BRAF: variants seen among roughly 807,000 people sequenced by gnomAD.
BRAF encodes the protein B-Raf proto-oncogene, serine/threonine kinase.
A neutral mutation model predicts 104.6 loss-of-function variants in BRAF; 16 were observed. The ratio of observed to expected loss-of-function variants is 0.15; its 90% CI spans 0.10 to 0.23. The LOEUF is 0.23. Ranked by LOEUF, BRAF falls within the 10% of genes least tolerant of loss-of-function variation. The probability of loss-of-function intolerance (pLI) is 1.00; values close to 1 mark genes in which losing one functional copy is unlikely to be tolerated. For synonymous variants in BRAF, 310 were observed against 341.6 expected (o/e 0.91, Z 1.02); for missense variants, 541 against 937.3 (o/e 0.58, Z 5.52).
chr7:140,859,138 G>A (rs1329270453), intron 1 of BRAF, among the ~76,000 whole-genome samples: 1 of 152,178 alleles, frequency 6.6e-6, no homozygotes, highest in African/African-American at 2.4e-5. Flanking sequence ...TTTTGTGACG[G>A]AAACAACAAA....
chr7:140,845,660 CTA>C (rs1562991733), intron 2 of BRAF, among the ~76,000 whole-genome samples: 1 of 151,900 alleles, frequency 6.6e-6, no homozygotes, highest in African/African-American at 2.4e-5. Context: ...GCACATGAGG[CTA>C]TGTTTTTTTT....
intron 1 of BRAF, among the ~76,000 whole-genome samples, chr7:140,860,372 T>G (rs758116764): frequency 8.2e-5 from 12 of 146,450 alleles, no homozygotes; most frequent in Non-Finnish European, 1.6e-4. Flanking sequence ...ACCTCATTAG[T>G]AATCAAAGAA....
At chr7:140,865,182 C>T (rs1189088273) in intron 1 of BRAF, among the ~76,000 whole-genome samples, 9 of 151,694 alleles carry the variant, frequency 5.9e-5, no homozygotes, top group East Asian at 3.9e-4. Context: ...TGGGCTCAAA[C>T]GATTCTCCTG....
intron 8 of BRAF, among the ~76,000 whole-genome samples, chr7:140,793,479 T>C (rs1020690435): frequency 1.3e-5 from 2 of 152,008 alleles, no homozygotes; most frequent in African/African-American, 4.8e-5. Flanking sequence ...CAAATTTACC[T>C]AAAATTACAA....
At chr7:140,884,839 A>G (rs1813374709) in intron 1 of BRAF, among the ~76,000 whole-genome samples, 1 of 151,946 alleles carries the variant, frequency 6.6e-6, no homozygotes, top group South Asian at 2.1e-4. Flanking sequence ...AAAAATTATA[A>G]CCAAGAAATG....
intron 18 of BRAF, among the ~76,000 whole-genome samples, chr7:140,737,202 T>C (rs1191442747): frequency 6.6e-6 from 1 of 152,230 alleles, no homozygotes; most frequent in East Asian, 1.9e-4. Flanking sequence ...TGAATACTTA[T>C]GAAATAGGTT....
intron 14 of BRAF, among the ~76,000 whole-genome samples, chr7:140,764,883 T>G (rs1323389163): frequency 2.6e-5 from 4 of 152,092 alleles, no homozygotes; most frequent in Non-Finnish European, 5.9e-5. Flanking sequence ...CCAAGGTAAT[T>G]TACAGATTCA....
chr7:140,870,037 C>T (rs1216670683), intron 1 of BRAF, among the ~76,000 whole-genome samples: 1 of 152,100 alleles, frequency 6.6e-6, no homozygotes, highest in Non-Finnish European at 1.5e-5. Flanking sequence ...AAAGAGTAAT[C>T]ATCATTGCAT....
Position 140,808,083 on chromosome 7 carries a change from C to T in BRAF, c.609-21G>A, listed in dbSNP as rs758109105. On this transcript the variant is annotated intron_variant, in intron 4 of 19. Transcript: ENST00000644969. ...TCTCTCTGAAAAATGTAGACACAAGCCTTTCTTGGTTATTACACCTAAAAA... is the reference window on the plus strand; with the variant it reads ...TCTCTCTGAAAAATGTAGACACAAGTCTTTCTTGGTTATTACACCTAAAAA... 5.7e-6 allele frequency: 9 copies of T among 1,570,140 alleles called. No homozygotes were observed. In the South Asian group the frequency reaches 1.0e-4, roughly 17 times the overall value.
rs566022399 is a variant in BRAF, at chr7:140,883,901, A to G, written c.139-33689T>C. 3.3e-5 allele frequency among the ~76,000 whole-genome samples: 5 copies of G among 152,348 alleles called. No individual in the cohort carries two copies. In the South Asian group the frequency reaches 1.0e-3, roughly 32 times the overall value. On this transcript the variant is annotated intron_variant, in intron 1 of 19. Coordinates refer to ENST00000644969, the MANE Select transcript of BRAF (RefSeq NM_001374258.1). ...TTCCATGTTACAGATAAATAATGGT[A>G]AGGTTTAGCAGGTTAAGTAATCTTC...
chr7:140,861,136 T>C (rs1810371834), intron 1 of BRAF, among the ~76,000 whole-genome samples: 1 of 152,218 alleles, frequency 6.6e-6, no homozygotes, highest in African/African-American at 2.4e-5. Context: ...AAACAGGCTT[T>C]ATTCCAGCAA....
intron 3 of BRAF, among the ~76,000 whole-genome samples, chr7:140,813,062 A>G (rs1179977291): frequency 1.3e-5 from 2 of 151,370 alleles, no homozygotes; most frequent in South Asian, 2.1e-4. Context: ...ACATAAAGCT[A>G]AAAAAAAACT....
intron 1 of BRAF, among the ~76,000 whole-genome samples, chr7:140,913,840 AAC>A: frequency 6.6e-6 from 1 of 152,286 alleles, no homozygotes; most frequent in East Asian, 1.9e-4. Context: ...CTATAAATGG[AAC>A]AGTCTTTCTA....
chr7:140,898,700 C>T (rs1389320731), intron 1 of BRAF, among the ~76,000 whole-genome samples: 1 of 152,206 alleles, frequency 6.6e-6, no homozygotes, highest in Non-Finnish European at 1.5e-5. Context: ...ATCACATCCA[C>T]TTTCTCTCCT....
downstream of BRAF, among the ~76,000 whole-genome samples, chr7:140,714,698 G>A (rs768322980): frequency 5.3e-5 from 8 of 152,242 alleles, no homozygotes; most frequent in Non-Finnish European, 1.0e-4. Flanking sequence ...TCACTCAGGC[G>A]TTGAGAATCT....
At chr7:140,800,587 A>C in intron 6 of BRAF, 106 bp from the exon 7 acceptor site, 1 of 1,545,146 alleles carries the variant, frequency 6.5e-7, no homozygotes, top group Non-Finnish European at 8.9e-7. Context: ...CATTCTCAGA[A>C]ACAACTGTTA....
chr7:140,817,899 T>G (rs1306979056), intron 3 of BRAF, among the ~76,000 whole-genome samples: 1 of 152,192 alleles, frequency 6.6e-6, no homozygotes, highest in Non-Finnish European at 1.5e-5. Flanking sequence ...CTAGAATACT[T>G]GATAATAGCA....
At chr7:140,881,838 G>A (rs1435967690) in intron 1 of BRAF, among the ~76,000 whole-genome samples, 1 of 152,144 alleles carries the variant, frequency 6.6e-6, no homozygotes, top group Non-Finnish European at 1.5e-5. Flanking sequence ...CCAGTCAGTG[G>A]AGCAGTTAGA....
chr7:140,783,945 T>TCAGGAAG (rs1450614971), intron 10 of BRAF, among the ~76,000 whole-genome samples: 1 of 152,194 alleles, frequency 6.6e-6, no homozygotes, highest in East Asian at 1.9e-4. Flanking sequence ...AGTATACTCT[T>TCAGGAAG]TGGAAGTGAT....
Sources: allele counts gnomAD v4.1 joint callset (sites outside exome capture counted in the v4.1 genomes callset), GRCh38; gene constraint gnomAD v4.1.1; transcripts MANE v1.5; gene names NCBI Gene and HGNC (gene_info 2026-07-23, HGNC 2026-07-21).